Variants in PANK2 observed in about 807,000 individuals in gnomAD.
PANK2 encodes pantothenate kinase 2, mitochondrial.
PANK2 carries 36 observed loss-of-function variants against 43.1 expected under a neutral mutation model. That is an observed-to-expected ratio of 0.84 (90% CI 0.64 to 1.10). The LOEUF (loss-of-function observed/expected upper bound fraction) is 1.10. Ranked by LOEUF, PANK2 falls within the 50% of genes least tolerant of loss-of-function variation. PANK2 has a pLI of 0.00. For missense variants in PANK2, 576 were observed against 593.3 expected (o/e 0.97, Z 0.30); for synonymous variants, 281 against 238.2 (o/e 1.18, Z -1.66).
intron 6 of PANK2, among the ~76,000 whole-genome samples, chr20:3,922,817 C>T (rs1434953120): frequency 6.6e-6 from 1 of 152,220 alleles, no homozygotes; most frequent in Non-Finnish European, 1.5e-5. Context: ...TGACCCACCT[C>T]ACAACTTCAC....
intron 6 of PANK2, among the ~76,000 whole-genome samples, chr20:3,920,249 C>T (rs1003694341): frequency 1.3e-5 from 2 of 151,848 alleles, no homozygotes; most frequent in African/African-American, 4.8e-5. Context: ...CGGTGGCTCA[C>T]GTCTGTAATC....
At chr20:3,906,067 G>A (rs944857528) in intron 1 of PANK2, among the ~76,000 whole-genome samples, 1 of 152,072 alleles carries the variant, frequency 6.6e-6, no homozygotes, top group African/African-American at 2.4e-5. Context: ...GGGGAAGCAT[G>A]TACAGATGCT....
rs71195867 is a variant in PANK2 at position 3,907,099 on chromosome 20, CTTTTTTTTTTT to C, written c.299-815_299-805del. On this transcript the variant is annotated intron_variant, in intron 1 of 6. Coordinates refer to ENST00000610179, the MANE Select transcript of PANK2 (RefSeq NM_001386393.1). Reference sequence around the variant, plus strand: ...CGTGAGCCACCGTGCCCAGCCCTGCCTTTTTTTTTTTTTTTTTTTTTTGAGACAGAGCCTCA... The same window carrying C: ...CGTGAGCCACCGTGCCCAGCCCTGCCTTTTTTTTTTTGAGACAGAGCCTCA... Among the ~76,000 whole-genome samples, 108 of 80,636 alleles carry C rather than the reference CTTTTTTTTTTT, an allele frequency of 1.3e-3. 1 individual carries two copies. Among genetic ancestry groups the C allele is most frequent in the Admixed American group, 3.4e-3 (18 of 5,268 alleles). 52.9% of individuals were successfully genotyped at this position (80,636 alleles called of 152,430 possible).
chr20:3,893,168 C>T (rs1179410304), intron 1 of PANK2, among the ~76,000 whole-genome samples: 3 of 152,090 alleles, frequency 2.0e-5, no homozygotes, highest in South Asian at 2.1e-4. Context: ...AAAACAGGCT[C>T]AGTGAAATTG....
At chr20:3,889,182 T>C (rs1460104819), upstream of PANK2, 2 of 1,610,444 alleles carry the variant, frequency 1.2e-6, no homozygotes, top group Admixed American at 1.7e-5. Context: ...CCGCCTTCTC[T>C]TCCTCCGCGG....
At chr20:3,892,476 A>G (rs977766276) in intron 1 of PANK2, among the ~76,000 whole-genome samples, 1 of 151,948 alleles carries the variant, frequency 6.6e-6, no homozygotes, top group African/African-American at 2.4e-5. Context: ...TTGGGTATGG[A>G]ATGGTGCCAC....
At chr20:3,914,951 CTT>C (rs1366885002) in intron 4 of PANK2, among the ~76,000 whole-genome samples, 1 of 152,184 alleles carries the variant, frequency 6.6e-6, no homozygotes, top group Non-Finnish European at 1.5e-5. Context: ...TGTCTGTAGT[CTT>C]TGGATAAATG....
At chr20:3,892,984 T>G (rs1336531634) in intron 1 of PANK2, among the ~76,000 whole-genome samples, 1 of 152,052 alleles carries the variant, frequency 6.6e-6, no homozygotes, top group African/African-American at 2.4e-5. Context: ...AAATACCAAA[T>G]AAAGATTGAT....
Position 3,924,780 on chromosome 20 carries a change from C to T in PANK2, c.*1486C>T, listed in dbSNP as rs1255789742. ...TTGGTGGCCTCACCCTCCTCCAGTA[C>T]CCAGGCACCAAAGATGGCACCACCA... On this transcript the variant is annotated 3_prime_UTR_variant, in exon 7 of 7. Transcript: ENST00000610179. 1 of 153,168 alleles carries T rather than the reference C, an allele frequency of 6.5e-6. No individual in the cohort carries two copies. Among genetic ancestry groups the T allele is most frequent in the African/African-American group, 2.4e-5 (1 of 41,460 alleles). 9.5% of individuals were successfully genotyped at this position (153,168 alleles called of 1,614,324 possible). A position where few individuals can be genotyped will look rare whatever the true frequency, so the allele number is the denominator to read the frequency against.
intron 1 of PANK2, chr20:3,901,574 C>G (rs1319772737): frequency 1.0e-6 from 1 of 977,482 alleles, no homozygotes; most frequent in African/African-American, 1.8e-5. Context: ...CTTTCATTTC[C>G]TTCTCCCTTC....
Position 3,902,164 on chromosome 20 carries a change from T to TC in PANK2, c.299-5762_299-5761insC, listed in dbSNP as rs1378466747. On this transcript the variant is annotated intron_variant, in intron 1 of 6. Coordinates refer to ENST00000610179, the MANE Select transcript of PANK2 (RefSeq NM_001386393.1). ...TGGTTCTATATTCTCTCCCTCTCTC[T>TC]TTTTTTTTTTTTTTTAGTTAGAGAC... Among the ~76,000 whole-genome samples the TC allele has an allele frequency of 1.1e-3, 140 of 129,218 alleles. 1 individual carries two copies. The highest frequency in any genetic ancestry group is 3.9e-3 in the Middle Eastern group (1 of 256). 84.8% of individuals were successfully genotyped at this position (129,218 alleles called of 152,430 possible).
Position 3,907,945 on chromosome 20 carries a change from G to A in PANK2, c.318G>A (p.Leu106=). 6.2e-7 allele frequency: 1 copy of A among 1,614,124 alleles called. No homozygotes were observed. The highest frequency in any genetic ancestry group is 8.5e-7 in the Non-Finnish European group (1 of 1,179,992). ...ATTTAGTTTTTCCATGGTTTGGACT[G>A]GATATCGGTGGAACTCTGGTCAAGC... The change falls in exon 2 of 7, where the codon CTG becomes CTA. Residue 106 remains leucine (L), a synonymous_variant. Transcript: ENST00000610179.
intron 4 of PANK2, among the ~76,000 whole-genome samples, chr20:3,915,552 T>C (rs1200434560): frequency 3.9e-5 from 6 of 152,224 alleles, no homozygotes; most frequent in East Asian, 3.8e-4. Flanking sequence ...CACCTTGGCC[T>C]CCCAAAGTGC....
chr20:3,900,934 A>G (rs984529302), intron 1 of PANK2, among the ~76,000 whole-genome samples: 15 of 150,606 alleles, frequency 1.0e-4, no homozygotes, highest in Admixed American at 9.3e-4. Context: ...ACACCTGGCT[A>G]ATTTTTCTAT....
At chr20:3,907,837 C>G in intron 1 of PANK2, 89 bp from the exon 2 acceptor site, 2 of 1,129,236 alleles carry the variant, frequency 1.8e-6, no homozygotes, top group South Asian at 2.7e-5. Context: ...TTTGGAAACC[C>G]TAGCGTTTGA....
intron 6 of PANK2, among the ~76,000 whole-genome samples, chr20:3,922,236 C>G (rs1210900917): frequency 6.6e-6 from 1 of 152,108 alleles, no homozygotes; most frequent in Non-Finnish European, 1.5e-5. Flanking sequence ...GGTTGGAGAC[C>G]CTGATGGATT....
In PANK2 at chr20:3,918,746, T is replaced by G. The variant is rs1272116674; in HGVS notation, c.1282T>G (p.Leu428Val). Residue 428 changes from leucine (L) to valine (V), a missense_variant, in exon 6 of 7, where the codon TTG becomes GTG. By Grantham distance (32) the Leu-to-Val change is conservative (BLOSUM62 1). Coordinates refer to ENST00000610179, the MANE Select transcript of PANK2 (RefSeq NM_001386393.1). ...CGCCATGCGGCTTTTGGCATATGCTTTGGATTATTGGTCCAAGGGGCAGTT... is the reference window on the plus strand; with the variant it reads ...CGCCATGCGGCTTTTGGCATATGCTGTGGATTATTGGTCCAAGGGGCAGTT... 2 of 1,614,256 alleles carry G rather than the reference T, an allele frequency of 1.2e-6. No individual in the cohort carries two copies. Among genetic ancestry groups the G allele is most frequent in the Admixed American group, 1.7e-5 (1 of 60,020 alleles).
chr20:3,906,994 AC>A (rs2090397258), intron 1 of PANK2, among the ~76,000 whole-genome samples: 1 of 150,930 alleles, frequency 6.6e-6, no homozygotes, highest in Non-Finnish European at 1.5e-5. Context: ...AGATAGTTTC[AC>A]CATGTTGGCC....
chr20:3,910,468 G>T (rs1024099577), intron 2 of PANK2, 109 bp from the exon 3 acceptor site: 9 of 1,225,938 alleles, frequency 7.3e-6, no homozygotes, highest in Non-Finnish European at 8.4e-6. Flanking sequence ...ATACACATCT[G>T]TGAGTGCACT....
Sources: gnomAD v4.1 joint callset for allele counts (sites outside exome capture counted in the v4.1 genomes callset) on GRCh38, gnomAD v4.1.1 for gene constraint, MANE v1.5 for transcripts, NCBI Gene and HGNC (gene_info 2026-07-23, HGNC 2026-07-21) for gene names.